Variants in GREB1L observed in about 807,000 individuals in gnomAD.
GREB1L encodes the protein GREB1 like retinoic acid receptor coactivator.
Under a neutral mutation model 200.8 loss-of-function variants are expected in GREB1L, and 17 were observed. The ratio of observed to expected loss-of-function variants is 0.08; its 90% confidence interval spans 0.06 to 0.13. The LOEUF is 0.13. Among genes scored for constraint, GREB1L ranks in the 10% least tolerant of loss-of-function variants. The pLI, the probability that GREB1L is intolerant of heterozygous loss-of-function variation, is 1.00. For missense variants in GREB1L, 1,657 were observed against 2,367.7 expected (o/e 0.70, Z 6.23); for synonymous variants, 789 against 893.0 (o/e 0.88, Z 2.08).
At chr18:21,357,886 A>C (rs2039528090) in intron 1 of GREB1L, among the ~76,000 whole-genome samples, 1 of 152,200 alleles carries the variant, frequency 6.6e-6, no homozygotes, top group Non-Finnish European at 1.5e-5. Context: ...AATTGAAATC[A>C]GGTAGTATGA....
intron 18 of GREB1L, among the ~76,000 whole-genome samples, chr18:21,488,381 G>A (rs954716926): frequency 3.9e-5 from 6 of 152,164 alleles, no homozygotes; most frequent in African/African-American, 9.7e-5. Flanking sequence ...AAGTGTTCAT[G>A]TGTTATTCAT....
intron 1 of GREB1L, among the ~76,000 whole-genome samples, chr18:21,243,810 A>G (rs187092884): frequency 1.1e-4 from 16 of 152,200 alleles, no homozygotes; most frequent in African/African-American, 3.9e-4. Flanking sequence ...ATGTATTTCA[A>G]GAGGAAAATG....
intron 4 of GREB1L, among the ~76,000 whole-genome samples, chr18:21,385,599 T>C (rs1019555022): frequency 1.5e-4 from 23 of 152,212 alleles, no homozygotes; most frequent in African/African-American, 5.3e-4. Flanking sequence ...TATGGATTTA[T>C]TCATTATTGA....
intron 15 of GREB1L, among the ~76,000 whole-genome samples, chr18:21,469,643 G>A (rs2035403727): frequency 6.6e-6 from 1 of 152,134 alleles, no homozygotes; most frequent in Non-Finnish European, 1.5e-5. Flanking sequence ...GACAGAGCTA[G>A]GAAATGATAT....
intron 1 of GREB1L, among the ~76,000 whole-genome samples, chr18:21,327,835 C>G (rs1462859053): frequency 6.6e-6 from 1 of 151,996 alleles, no homozygotes; most frequent in African/African-American, 2.4e-5. Flanking sequence ...GCCTCAGCCT[C>G]CCGAGTAGCT....
intron 7 of GREB1L, among the ~76,000 whole-genome samples, chr18:21,426,734 G>A (rs1284548732): frequency 2.6e-5 from 4 of 151,802 alleles, no homozygotes; most frequent in Admixed American, 6.6e-5. Flanking sequence ...AGAGGCGGGC[G>A]GATCACGAGG....
In GREB1L at chr18:21,346,891, A is replaced by T. The variant is rs115500099; in HGVS notation, c.-119-19136A>T. On this transcript the variant is annotated intron_variant, in intron 1 of 32. Transcript: ENST00000424526. ...AACTCTTCCTTTTCTTTAAGGAAAGAACCTCATCCTGCAAGCATCCCTCCT... is the reference window on the plus strand; with the variant it reads ...AACTCTTCCTTTTCTTTAAGGAAAGTACCTCATCCTGCAAGCATCCCTCCT... 5.7e-3 allele frequency among the ~76,000 whole-genome samples: 875 copies of T among 152,194 alleles called. 7 individuals are homozygous for T. The highest frequency in any genetic ancestry group is 0.02 in the African/African-American group (825 of 41,520).
Position 21,412,051 on chromosome 18 carries a change from C to CAAAAAAAAAAAAA in GREB1L, c.832+8071_832+8083dup, listed in dbSNP as rs962603456. On this transcript the variant is annotated intron_variant, in intron 7 of 32. Coordinates refer to ENST00000424526, the MANE Select transcript of GREB1L (RefSeq NM_001142966.3). ...TGGGCGACAGAGCGAGACTCCGTCT[C>CAAAAAAAAAAAAA]AAAAAAAAAAAAAAAAAAAAAAAAA... Among the ~76,000 whole-genome samples the CAAAAAAAAAAAAA allele has an allele frequency of 1.5e-3, 46 of 30,504 alleles. 1 individual carries two copies. Among genetic ancestry groups the CAAAAAAAAAAAAA allele is most frequent in the African/African-American group, 5.0e-3 (46 of 9,166 alleles). 20.0% of individuals were successfully genotyped at this position (30,504 alleles called of 152,430 possible).
chr18:21,477,896 T>C (rs2035769299), intron 17 of GREB1L, among the ~76,000 whole-genome samples: 1 of 152,234 alleles, frequency 6.6e-6, no homozygotes, highest in Non-Finnish European at 1.5e-5. Flanking sequence ...TATATAAATT[T>C]GATTAGGTGG....
intron 23 of GREB1L, among the ~76,000 whole-genome samples, chr18:21,504,472 G>C (rs1275793992): frequency 6.6e-6 from 1 of 152,182 alleles, no homozygotes; most frequent in African/African-American, 2.4e-5. Flanking sequence ...GGAGTTCAAG[G>C]TTGCAGTGAG....
intron 4 of GREB1L, among the ~76,000 whole-genome samples, chr18:21,392,089 C>T (rs1406623341): frequency 1.3e-5 from 2 of 152,200 alleles, no homozygotes; most frequent in Non-Finnish European, 2.9e-5. Context: ...GGATTACAGG[C>T]GTGAGCCATT....
chr18:21,382,680 G>A (rs1324269429), intron 2 of GREB1L, among the ~76,000 whole-genome samples: 4 of 151,706 alleles, frequency 2.6e-5, no homozygotes, highest in African/African-American at 7.3e-5. Context: ...TAGTAGAGAC[G>A]GGGTTTCACC....
intron 29 of GREB1L, among the ~76,000 whole-genome samples, chr18:21,516,353 T>C (rs147461539): frequency 3.3e-5 from 5 of 152,320 alleles, no homozygotes; most frequent in African/African-American, 9.6e-5. Flanking sequence ...CAAATAGGAA[T>C]ATAGTCCTGT....
intron 1 of GREB1L, among the ~76,000 whole-genome samples, chr18:21,297,318 C>T (rs1391990728): frequency 6.6e-6 from 1 of 152,136 alleles, no homozygotes; most frequent in African/African-American, 2.4e-5. Flanking sequence ...AGTGATAATA[C>T]TGTCCCCTCA....
intron 1 of GREB1L, among the ~76,000 whole-genome samples, chr18:21,334,328 G>T (rs537794379): frequency 6.6e-5 from 10 of 152,100 alleles, no homozygotes; most frequent in Non-Finnish European, 1.0e-4. Context: ...TGAGTTTTGA[G>T]CAGGATCTAA....
chr18:21,435,716 A>T (rs2033491474), intron 7 of GREB1L, among the ~76,000 whole-genome samples: 1 of 152,218 alleles, frequency 6.6e-6, no homozygotes, highest in Admixed American at 6.5e-5. Flanking sequence ...ATAAAATGCA[A>T]AGCTCAAAAA....
chr18:21,429,156 C>G (rs946671038), intron 7 of GREB1L, among the ~76,000 whole-genome samples: 1 of 101,528 alleles, frequency 9.8e-6, no homozygotes, highest in East Asian at 3.1e-4. Flanking sequence ...CCTCCCTTCC[C>G]TCCCTCCCTT....
At chr18:21,299,602 G>A (rs1159647296) in intron 1 of GREB1L, among the ~76,000 whole-genome samples, 6 of 149,382 alleles carry the variant, frequency 4.0e-5, no homozygotes, top group African/African-American at 1.2e-4. Flanking sequence ...ATCCCTGGCT[G>A]TGTTTGTCAT....
chr18:21,522,343 A>G (rs1013790614), intron 32 of GREB1L, among the ~76,000 whole-genome samples: 6 of 151,740 alleles, frequency 4.0e-5, no homozygotes, highest in African/African-American at 7.3e-5. Flanking sequence ...GCCTGGTGGC[A>G]GACACCTGTA....
Sources: allele counts gnomAD v4.1 joint callset (sites outside exome capture counted in the v4.1 genomes callset), GRCh38; gene constraint gnomAD v4.1.1; transcripts MANE v1.5; gene names NCBI Gene and HGNC (gene_info 2026-07-23, HGNC 2026-07-21).